TBPL2: variants seen among roughly 807,000 people sequenced by gnomAD.
TBPL2 encodes TATA-box binding protein like 2.
A neutral mutation model predicts 38.2 loss-of-function variants in TBPL2; 40 were observed. The ratio of observed to expected loss-of-function variants is 1.05; its 90% CI spans 0.81 to 1.36. TBPL2 has a LOEUF of 1.36. TBPL2 is among the 40% of genes most tolerant of loss of function. TBPL2 has a pLI of 0.00. For synonymous variants in TBPL2, 169 were observed against 171.7 expected (o/e 0.98, Z 0.12); for missense variants, 461 against 456.7 (o/e 1.01, Z -0.09).
At chr14:55,433,119 T>TG (rs1238321029) in intron 4 of TBPL2, among the ~76,000 whole-genome samples, 4 of 151,958 alleles carry the variant, frequency 2.6e-5, no homozygotes, top group African/African-American at 9.7e-5. Flanking sequence ...AATGGGGATA[T>TG]GTCAGTATTT....
intron 6 of TBPL2, among the ~76,000 whole-genome samples, chr14:55,420,907 A>C (rs1281283193): frequency 6.6e-6 from 1 of 151,934 alleles, no homozygotes; most frequent in Non-Finnish European, 1.5e-5. Context: ...AAAATACAAA[A>C]AAAATTAGCT....
At chr14:55,433,305 TTC>T (rs1257039816) in intron 4 of TBPL2, among the ~76,000 whole-genome samples, 5 of 118,578 alleles carry the variant, frequency 4.2e-5, no homozygotes, top group South Asian at 2.9e-4. Context: ...CTTTTTAGAT[TTC>T]TCTTTTTTTT....
At chr14:55,436,825 A>C in exon 2 of TBPL2, 1 of 1,614,252 alleles carries the variant, frequency 6.2e-7, no homozygotes, top group Admixed American at 1.7e-5. Flanking sequence ...TTTGCTAATG[A>C]CAGGCTGGTC....
intron 4 of TBPL2, among the ~76,000 whole-genome samples, chr14:55,429,185 C>T (rs987566705): frequency 6.6e-6 from 1 of 152,206 alleles, no homozygotes; most frequent in Non-Finnish European, 1.5e-5. Context: ...TGAACAGAAT[C>T]ATAAATTTTT....
chr14:55,431,103 G>A (rs749310525), intron 4 of TBPL2, among the ~76,000 whole-genome samples: 8 of 152,130 alleles, frequency 5.3e-5, no homozygotes, highest in Non-Finnish European at 7.4e-5. Flanking sequence ...CTTTTCCTAC[G>A]CAAACACAGG....
chr14:55,432,731 C>T lies in TBPL2; in HGVS notation c.788+899G>A, dbSNP rs79759046. ...ATGAACACTTAGTACATTTATAGAG[C>T]GAGAAATTGGCACAACTTTTCAGGA... On this transcript the variant is annotated intron_variant, in intron 4 of 6. Coordinates refer to ENST00000247219, the Ensembl canonical transcript of TBPL2. Among the ~76,000 whole-genome samples, 574 of 152,228 alleles carry T rather than the reference C, an allele frequency of 3.8e-3. 26 individuals are homozygous for T. In the East Asian group the frequency reaches 0.098, roughly 26 times the overall value.
chr14:55,433,773 C>T, intron 3 of TBPL2, 52 bp from the exon 4 acceptor site: 6 of 1,531,108 alleles, frequency 3.9e-6, no homozygotes, highest in Middle Eastern at 3.5e-4. Context: ...TTAACATTAT[C>T]CCAGTTGAAA....
intron 4 of TBPL2, among the ~76,000 whole-genome samples, chr14:55,431,104 C>T (rs1885918207): frequency 6.6e-6 from 1 of 152,190 alleles, no homozygotes; most frequent in Non-Finnish European, 1.5e-5. Flanking sequence ...TTTTCCTACG[C>T]AAACACAGGT....
exon 5 of TBPL2, chr14:55,428,898 C>A: frequency 6.2e-7 from 1 of 1,614,142 alleles, no homozygotes; most frequent in East Asian, 2.2e-5. Context: ...ATTTTAAAAT[C>A]GAGGAATCTG....
intron 6 of TBPL2, among the ~76,000 whole-genome samples, chr14:55,414,817 CCT>C (rs1427485800): frequency 6.6e-6 from 1 of 152,148 alleles, no homozygotes; most frequent in Non-Finnish European, 1.5e-5. Context: ...TGATCCACGT[CCT>C]CTCTAGTTAA....
At chr14:55,424,214 C>T in exon 6 of TBPL2, 1 of 1,613,306 alleles carries the variant, frequency 6.2e-7, no homozygotes, top group East Asian at 2.2e-5. Context: ...GTGGTTTTAC[C>T]ATTCTATAAA....
intron 6 of TBPL2, 143 bp from the exon 7 acceptor site, chr14:55,414,598 GTAAA>G (rs1432304500): frequency 1.6e-6 from 1 of 619,008 alleles, no homozygotes; most frequent in South Asian, 2.7e-5. Flanking sequence ...TTTATTCCGG[GTAAA>G]TAATTTGGCA....
intron 5 of TBPL2, among the ~76,000 whole-genome samples, chr14:55,428,470 G>A (rs1016480537): frequency 3.3e-5 from 5 of 150,704 alleles, no homozygotes; most frequent in Non-Finnish European, 4.4e-5. Flanking sequence ...ATCTCAATGT[G>A]TGGGCCTCTG....
At chr14:55,440,319 G>A (rs1286097017) in intron 1 of TBPL2, 77 bp downstream of exon 1, 13 of 1,552,654 alleles carry the variant, frequency 8.4e-6, no homozygotes, top group Non-Finnish European at 1.1e-5. Flanking sequence ...AGTTTTAAGA[G>A]GAACGAAGGC....
At chr14:55,433,794 G>C in intron 3 of TBPL2, 73 bp from the exon 4 acceptor site, 1 of 1,378,784 alleles carries the variant, frequency 7.3e-7, no homozygotes, top group East Asian at 2.3e-5. Flanking sequence ...AAGCCGAGCT[G>C]AATATGAAAA....
intron 6 of TBPL2, among the ~76,000 whole-genome samples, chr14:55,415,217 G>A (rs1885650651): frequency 6.6e-6 from 1 of 152,190 alleles, no homozygotes; most frequent in Non-Finnish European, 1.5e-5. Flanking sequence ...ACACTAATCA[G>A]TTAATCTGAT....
Position 55,436,622 on chromosome 14 carries a change from T to C in TBPL2, c.547A>G (p.Ile183Val), listed in dbSNP as rs145550690. The change falls in exon 2 of 7, where the codon ATA becomes GTA. Residue 183 changes from isoleucine (I) to valine (V), a missense_variant. By Grantham distance (29) the Ile-to-Val change is conservative (BLOSUM62 3). Coordinates refer to ENST00000247219, the Ensembl canonical transcript of TBPL2. ...GGGGTCATTGGTGTCATGGGAGTTA[T>C]GGATGCCAGAGACAAGGAGTCGGAG... 2,480 of 1,614,210 alleles carry C rather than the reference T, an allele frequency of 1.5e-3. 4 individuals are homozygous for C. The highest frequency in any genetic ancestry group is 7.4e-3 in the Middle Eastern group (45 of 6,062).
Position 55,440,385 on chromosome 14 carries a change from G to C in TBPL2, c.150+11C>G. The stretch of plus-strand genomic sequence containing the variant: ...TGGGTCCTGACTCTGGGACAGTGGC[G>C]GCAGCCTCACCTGAGCGGCGCACTG... On this transcript the variant is annotated intron_variant, in intron 1 of 6. Transcript: ENST00000247219. 3 of 1,612,976 alleles carry C rather than the reference G, an allele frequency of 1.9e-6. No individual in the cohort carries two copies. Among genetic ancestry groups the C allele is most frequent in the South Asian group, 1.1e-5 (1 of 91,074 alleles).
exon 6 of TBPL2, chr14:55,424,163 C>T (rs746767189): frequency 1.9e-6 from 3 of 1,610,916 alleles, no homozygotes; most frequent in African/African-American, 2.7e-5. Flanking sequence ...ACTTACCTGT[C>T]AACACAACTT....
Sources: allele counts gnomAD v4.1 joint callset (sites outside exome capture counted in the v4.1 genomes callset), GRCh38; gene constraint gnomAD v4.1.1; transcripts MANE v1.5; gene names NCBI Gene and HGNC (gene_info 2026-07-23, HGNC 2026-07-21).